Variants in FRZB observed in about 807,000 individuals in gnomAD.
FRZB encodes frizzled related protein.
Under a neutral mutation model 32.5 loss-of-function variants are expected in FRZB, and 34 were observed. The ratio of observed to expected loss-of-function variants is 1.05; its 90% CI spans 0.80 to 1.39. The LOEUF is 1.39. Ranked by LOEUF, FRZB falls within the 40% of genes most tolerant of loss-of-function variation. The pLI is 0.00. For synonymous variants in FRZB, 170 were observed against 159.2 expected (o/e 1.07, Z -0.51); for missense variants, 423 against 424.8 (o/e 1.00, Z 0.04).
intron 3 of FRZB, among the ~76,000 whole-genome samples, chr2:182,840,069 C>CAGTCT (rs1323036363): frequency 6.6e-6 from 1 of 152,116 alleles, no homozygotes; most frequent in Non-Finnish European, 1.5e-5. Flanking sequence ...CTTCACATTT[C>CAGTCT]AGTCTTCCGA....
At chr2:182,861,265 G>A (rs1400468774) in intron 1 of FRZB, among the ~76,000 whole-genome samples, 1 of 152,122 alleles carries the variant, frequency 6.6e-6, no homozygotes, top group African/African-American at 2.4e-5. Flanking sequence ...GTGTAGAACA[G>A]GCTCTGCTTC....
Position 182,833,313 on chromosome 2 carries a change from G to A in FRZB, c.*1536C>T, listed in dbSNP as rs1191045346. 1 of 152,154 alleles carries A rather than the reference G, an allele frequency of 6.6e-6. No individual in the cohort carries two copies. The highest frequency in any genetic ancestry group is 1.5e-5 in the Non-Finnish European group (1 of 68,026). 9.4% of individuals were successfully genotyped at this position (152,154 alleles called of 1,614,324 possible). A position where few individuals can be genotyped will look rare whatever the true frequency, so the allele number is the denominator to read the frequency against. ...AGCATTTTATTTTCAGCACGCCACA[G>A]CTTAGAAATTTGGTTCTACTAATAG... On this transcript the variant is annotated 3_prime_UTR_variant, in exon 6 of 6. Transcript: ENST00000295113.
At chr2:182,839,474 T>C (rs919403793) in intron 3 of FRZB, among the ~76,000 whole-genome samples, 1 of 152,084 alleles carries the variant, frequency 6.6e-6, no homozygotes, top group Non-Finnish European at 1.5e-5. Context: ...CACGTGTCAA[T>C]GGCATTATTC....
intron 2 of FRZB, among the ~76,000 whole-genome samples, chr2:182,845,384 T>C (rs1695628871): frequency 6.6e-6 from 1 of 152,200 alleles, no homozygotes; most frequent in Admixed American, 6.5e-5. Context: ...TCTTGTTTAA[T>C]TGCTAGTAAT....
Position 182,838,513 on chromosome 2 carries a change from T to A in FRZB, c.693A>T (p.Pro231=), listed in dbSNP as rs1345657765. 7 of 1,613,004 alleles carry A rather than the reference T, an allele frequency of 4.3e-6. No homozygotes were observed. The highest frequency in any genetic ancestry group is 5.9e-6 in the Non-Finnish European group (7 of 1,179,278). The change falls in exon 4 of 6, where the codon CCA becomes CCT. Residue 231 remains proline (P), a synonymous_variant. Transcript: ENST00000295113. ...EILKSSLVNI[P]RDTVNLYTSS... ...TGGTATAGAGGTTGACAGTGTCCCGTGGAATGTTTACCAGAGAGGACTTTA... is the reference window on the plus strand; with the variant it reads ...TGGTATAGAGGTTGACAGTGTCCCGAGGAATGTTTACCAGAGAGGACTTTA...
At position 182,844,240 on chromosome 2, in the gene FRZB, C is replaced by A. The variant is rs1034691359; in HGVS notation, c.527-1697G>T. On this transcript the variant is annotated intron_variant, in intron 2 of 5. Transcript: ENST00000295113. ...TTTAGCACACAATTTCTGTGAAGAT[C>A]TCAGCCAATAAACAATGAGTAACAT... 2.6e-5 allele frequency among the ~76,000 whole-genome samples: 4 copies of A among 152,156 alleles called. No homozygotes were observed. In the East Asian group the frequency reaches 7.7e-4, roughly 29 times the overall value.
intron 2 of FRZB, among the ~76,000 whole-genome samples, chr2:182,856,371 TGAGA>T (rs904411326): frequency 2.6e-5 from 4 of 150,954 alleles, no homozygotes; most frequent in African/African-American, 4.9e-5. Flanking sequence ...TGTGTGTGTG[TGAGA>T]GAGAGAGAGA....
chr2:182,857,862 C>G (rs1267962027), intron 2 of FRZB, among the ~76,000 whole-genome samples: 1 of 152,014 alleles, frequency 6.6e-6, no homozygotes, highest in African/African-American at 2.4e-5. Flanking sequence ...GAACATTTTA[C>G]CAAAAAGCAT....
intron 1 of FRZB, among the ~76,000 whole-genome samples, chr2:182,860,864 C>CA (rs796422085): frequency 0.046 from 3,131 of 68,796 alleles, 87 homozygotes; most frequent in African/African-American, 0.079. Context: ...GAGACTGTCT[C>CA]AAAAAAAAAA....
At chr2:182,864,009 C>T (rs1695862439) in intron 1 of FRZB, among the ~76,000 whole-genome samples, 2 of 152,176 alleles carry the variant, frequency 1.3e-5, no homozygotes, top group East Asian at 3.9e-4. Flanking sequence ...CAACTACCAC[C>T]TATTTTTCTA....
intron 1 of FRZB, among the ~76,000 whole-genome samples, chr2:182,861,471 C>T (rs1695830908): frequency 6.6e-6 from 1 of 152,198 alleles, no homozygotes; most frequent in African/African-American, 2.4e-5. Context: ...ACGTCCTCTC[C>T]CCAATGACGT....
chr2:182,866,413 G>C lies in FRZB; in HGVS notation c.140C>G (p.Pro47Arg), dbSNP rs759725355. The change falls in exon 1 of 6, where the codon CCC becomes CGC. Residue 47 changes from proline to arginine, a missense_variant. Pro to Arg is a moderately radical substitution (Grantham distance 103). Transcript: ENST00000295113. This position sits in a 1 kb window ranked among gnomAD's most constrained non-coding sequence, Gnocchi z 4.5. ...GTTGGGCATCTTAGTCATGTTCCAG[G>C]GCAGGGACTTGCACAGGGGGATGCG... ...PVRIPLCKSL[P>R]WNMTKMPNHL... 1.2e-6 allele frequency: 2 copies of C among 1,609,838 alleles called. No individual in the cohort carries two copies.
At chr2:182,857,611 C>A (rs1574988339) in intron 2 of FRZB, among the ~76,000 whole-genome samples, 2 of 141,060 alleles carry the variant, frequency 1.4e-5, no homozygotes, top group African/African-American at 2.6e-5. Flanking sequence ...AGCAAGACTC[C>A]ATCTCAAAAA....
At chr2:182,860,956 C>T (rs1306659055) in intron 1 of FRZB, among the ~76,000 whole-genome samples, 1 of 150,174 alleles carries the variant, frequency 6.7e-6, no homozygotes, top group Non-Finnish European at 1.5e-5. Context: ...TAGAAAGAAA[C>T]AAGTGCATGA....
chr2:182,842,264 G>A (rs546183378), intron 3 of FRZB, among the ~76,000 whole-genome samples: 2 of 152,250 alleles, frequency 1.3e-5, no homozygotes, highest in Non-Finnish European at 1.5e-5. Flanking sequence ...ACTGCTTGAT[G>A]TGCTTCAACA....
intron 1 of FRZB, among the ~76,000 whole-genome samples, chr2:182,859,373 A>C (rs899852904): frequency 6.6e-6 from 1 of 152,194 alleles, no homozygotes; most frequent in Non-Finnish European, 1.5e-5. Context: ...TGCAATTAAT[A>C]GATGTGACAA....
Position 182,843,930 on chromosome 2 carries a change from C to CA in FRZB, c.527-1388dup, listed in dbSNP as rs1052736185. Among the ~76,000 whole-genome samples the CA allele has an allele frequency of 4.5e-3, 544 of 120,860 alleles. 2 individuals carry two copies. Among genetic ancestry groups the CA allele is most frequent in the Non-Finnish European group, 6.6e-3 (372 of 56,370 alleles). The allele number at this position is 120,860 out of a possible 152,430, so 79.3% of individuals were successfully genotyped here. On this transcript the variant is annotated intron_variant, in intron 2 of 5. Coordinates refer to ENST00000295113, the MANE Select transcript of FRZB (RefSeq NM_001463.4). ...TGGGTGATAGAGTAAGACCCCGTCTCAAAAAAAAAAAAAAGTTGTTTTATG... is the reference window on the plus strand; with the variant it reads ...TGGGTGATAGAGTAAGACCCCGTCTCAAAAAAAAAAAAAAAGTTGTTTTATG...
intron 2 of FRZB, among the ~76,000 whole-genome samples, chr2:182,843,628 G>A (rs1695608333): frequency 6.6e-6 from 1 of 152,036 alleles, no homozygotes; most frequent in Non-Finnish European, 1.5e-5. Context: ...CACTTAAAAG[G>A]CATTTTATGG....
At chr2:182,844,591 C>T (rs529078128) in intron 2 of FRZB, among the ~76,000 whole-genome samples, 53 of 152,174 alleles carry the variant, frequency 3.5e-4, no homozygotes, top group African/African-American at 1.2e-3. Flanking sequence ...TTTGCATGTG[C>T]TCAAATAAAA....
Sources: allele counts gnomAD v4.1 joint callset (sites outside exome capture counted in the v4.1 genomes callset), GRCh38; gene constraint gnomAD v4.1.1; non-coding constraint Gnocchi (gnomAD v3.1); transcripts MANE v1.5; gene names NCBI Gene and HGNC (gene_info 2026-07-23, HGNC 2026-07-21).